CACNA1C: variants seen among roughly 807,000 people sequenced by gnomAD.
CACNA1C encodes the protein voltage-dependent L-type calcium channel subunit alpha-1C.
CACNA1C carries 30 observed loss-of-function variants against 229.0 expected under a neutral mutation model. The observed-to-expected ratio is 0.13, with a 90% confidence interval of 0.10 to 0.18. CACNA1C has a LOEUF of 0.18. Among genes scored for constraint, CACNA1C ranks in the 10% least tolerant of loss-of-function variants. CACNA1C has a pLI of 1.00. For missense variants in CACNA1C, 1,658 were observed against 2,845.0 expected (o/e 0.58, Z 9.49); for synonymous variants, 1,114 against 1,132.5 (o/e 0.98, Z 0.33).
chr12:2,579,503 G>A (rs2059780500), intron 13 of CACNA1C, among the ~76,000 whole-genome samples: 2 of 152,076 alleles, frequency 1.3e-5, no homozygotes, highest in Admixed American at 1.3e-4. Flanking sequence ...GTTTCATGGT[G>A]CAAGGGAGGG....
intron 3 of CACNA1C, among the ~76,000 whole-genome samples, chr12:2,385,098 A>G (rs994649606): frequency 6.6e-6 from 1 of 152,216 alleles, no homozygotes; most frequent in Non-Finnish European, 1.5e-5. Context: ...CCAGATTCCC[A>G]GAGAAAATGA....
At chr12:2,587,546 C>T (rs1441151362) in intron 18 of CACNA1C, among the ~76,000 whole-genome samples, 1 of 152,134 alleles carries the variant, frequency 6.6e-6, no homozygotes, top group African/African-American at 2.4e-5. Context: ...TTAATCTATA[C>T]TCTTGGCTTT....
In CACNA1C at chr12:2,467,671, GC is replaced by G. The variant is rs905747660; in HGVS notation, c.757+9969del. 1.3e-5 allele frequency among the ~76,000 whole-genome samples: 2 copies of G among 152,114 alleles called. No homozygotes were observed. Among genetic ancestry groups the G allele is most frequent in the African/African-American group, 4.8e-5 (2 of 41,444 alleles). On this transcript the variant is annotated intron_variant, in intron 5 of 46. Transcript: ENST00000399655. This position sits in a 1 kb window ranked among gnomAD's most constrained non-coding sequence, Gnocchi z 4.6. ...TAGAACAGGGTGGGTCCCACGCCCA[GC>G]CCCGCCCTGCCCCTTAGCACCTGCC...
intron 3 of CACNA1C, among the ~76,000 whole-genome samples, chr12:2,325,606 G>A (rs1322871013): frequency 6.6e-6 from 1 of 152,260 alleles, no homozygotes; most frequent in Admixed American, 6.5e-5. Flanking sequence ...GATAAGTGAA[G>A]TTACGCACAC....
At chr12:2,588,574 G>A (rs2063622448) in intron 18 of CACNA1C, among the ~76,000 whole-genome samples, 3 of 152,202 alleles carry the variant, frequency 2.0e-5, no homozygotes, top group Admixed American at 2.0e-4. Context: ...ACCCTCGCAT[G>A]ACCGCGAATA....
chr12:2,555,312 G>A (rs917090698), intron 10 of CACNA1C, among the ~76,000 whole-genome samples: 1 of 152,354 alleles, frequency 6.6e-6, no homozygotes, highest in Non-Finnish European at 1.5e-5. Context: ...GCCGGTGGTC[G>A]TCATCAAGGG....
chr12:2,139,402 C>G (rs1038916271), intron 3 of CACNA1C, among the ~76,000 whole-genome samples: 1 of 151,218 alleles, frequency 6.6e-6, no homozygotes, highest in Non-Finnish European at 1.5e-5. Flanking sequence ...GACTTTATTT[C>G]CAAATAAAGT....
chr12:2,277,338 GAC>G (rs1202235100), intron 3 of CACNA1C, among the ~76,000 whole-genome samples: 5 of 73,600 alleles, frequency 6.8e-5, no homozygotes, highest in African/African-American at 3.1e-4. Context: ...CTAGTAGACA[GAC>G]AGACAGACAG....
chr12:2,036,487 T>A (rs751602050), intron 1 of CACNA1C, among the ~76,000 whole-genome samples: 1 of 151,668 alleles, frequency 6.6e-6, no homozygotes, highest in Non-Finnish European at 1.5e-5. Flanking sequence ...CTATCTTTTT[T>A]TTTGAGACAG....
chr12:2,378,769 GTTTA>G (rs2098144579), intron 3 of CACNA1C, among the ~76,000 whole-genome samples: 1 of 147,284 alleles, frequency 6.8e-6, no homozygotes, highest in South Asian at 2.2e-4. Flanking sequence ...CTTTTTGTTT[GTTTA>G]TTTGGGTCCT....
At chr12:2,294,770 G>A (rs375974636) in intron 3 of CACNA1C, among the ~76,000 whole-genome samples, 3 of 152,164 alleles carry the variant, frequency 2.0e-5, no homozygotes, top group African/African-American at 4.8e-5. Flanking sequence ...CTGCGGGCGC[G>A]TTGTTGGTCA....
At chr12:2,389,171 T>C (rs1208234423) in intron 3 of CACNA1C, among the ~76,000 whole-genome samples, 1 of 151,934 alleles carries the variant, frequency 6.6e-6, no homozygotes, top group Non-Finnish European at 1.5e-5. Flanking sequence ...GTGTTGGGAA[T>C]AGAGGTGGTG....
In CACNA1C at chr12:2,059,974, G is replaced by A. The variant is rs2056839845; in HGVS notation, c.49+6363G>A. On this transcript the variant is annotated intron_variant, in intron 1 of 46. Coordinates refer to ENST00000399655, the MANE Select transcript of CACNA1C (RefSeq NM_000719.7). ...CCTTAAAATAATTTCTGCGATGTTA[G>A]ATTTAGGAATGGAGTTGGAAGGGTG... Among the ~76,000 whole-genome samples, 3 of 152,128 alleles carry A rather than the reference G, an allele frequency of 2.0e-5. No homozygotes were observed. The South Asian group carries it at 6.2e-4, about 32-fold the overall frequency.
At chr12:2,226,617 A>C (rs1235365442) in intron 3 of CACNA1C, among the ~76,000 whole-genome samples, 5 of 152,166 alleles carry the variant, frequency 3.3e-5, no homozygotes, top group African/African-American at 1.2e-4. Context: ...CATGCTTAAG[A>C]CCTGGCTTGC....
chr12:2,548,159 T>G (rs950548223), intron 9 of CACNA1C, among the ~76,000 whole-genome samples: 7 of 152,184 alleles, frequency 4.6e-5, no homozygotes, highest in African/African-American at 1.7e-4. Flanking sequence ...TTAGTGTGGT[T>G]TGAGCAAAGC....
chr12:2,091,617 T>A (rs1033939893), intron 1 of CACNA1C, among the ~76,000 whole-genome samples: 1 of 152,168 alleles, frequency 6.6e-6, no homozygotes, highest in Non-Finnish European at 1.5e-5. Context: ...ACATGGATAA[T>A]CCCATCTCAA....
intron 1 of CACNA1C, among the ~76,000 whole-genome samples, chr12:2,077,730 A>C (rs1398745027): frequency 6.6e-6 from 1 of 152,182 alleles, no homozygotes; most frequent in Non-Finnish European, 1.5e-5. Flanking sequence ...CATAAAGCCC[A>C]GAACCTTAAA....
intron 1 of CACNA1C, among the ~76,000 whole-genome samples, chr12:2,070,269 A>G (rs911098908): frequency 6.6e-6 from 1 of 152,248 alleles, no homozygotes; most frequent in African/African-American, 2.4e-5. Flanking sequence ...CTGGCCTTGC[A>G]TATGAAACTA....
chr12:2,438,331 G>T (rs2099171169), intron 3 of CACNA1C, among the ~76,000 whole-genome samples: 1 of 150,044 alleles, frequency 6.7e-6, no homozygotes, highest in Non-Finnish European at 1.5e-5. Context: ...TGGTGGGGAT[G>T]GTGATGATAA....
Sources: allele counts gnomAD v4.1 joint callset (sites outside exome capture counted in the v4.1 genomes callset), GRCh38; gene constraint gnomAD v4.1.1; non-coding constraint Gnocchi (gnomAD v3.1); transcripts MANE v1.5; gene names NCBI Gene and HGNC (gene_info 2026-07-23, HGNC 2026-07-21).